Variants in RBFOX1 observed in about 807,000 individuals in gnomAD.
The protein encoded by RBFOX1 is RNA binding protein fox-1 homolog 1.
A neutral mutation model predicts 57.7 loss-of-function variants in RBFOX1; 8 were observed. The ratio of observed to expected loss-of-function variants is 0.14; its 90% CI spans 0.08 to 0.25. RBFOX1 has a LOEUF of 0.25. RBFOX1 is among the 10% of genes least tolerant of loss of function. RBFOX1 has a pLI of 1.00. For synonymous variants in RBFOX1, 326 were observed against 222.4 expected, an observed-to-expected ratio of 1.47 and a Z score of -4.15; for missense variants, 611 against 548.5, an observed-to-expected ratio of 1.11 and a Z score of -1.14.
chr16:7,023,687 C>G (rs1471298816), intron 3 of RBFOX1, among the ~76,000 whole-genome samples: 1 of 150,134 alleles, frequency 6.7e-6, no homozygotes, highest in Non-Finnish European at 1.5e-5. Flanking sequence ...TCTCCCTTGT[C>G]TTAAATCAGA....
At chr16:6,666,540 CAAAAA>C (rs35935992) in intron 3 of RBFOX1, among the ~76,000 whole-genome samples, 3 of 81,464 alleles carry the variant, frequency 3.7e-5, no homozygotes, top group Admixed American at 1.4e-4. Flanking sequence ...ACTCTGTCTC[CAAAAA>C]AAAAAAAAAA....
chr16:7,251,120 C>G (rs544799503), intron 4 of RBFOX1, among the ~76,000 whole-genome samples: 54 of 152,266 alleles, frequency 3.5e-4, no homozygotes, highest in African/African-American at 1.1e-3. Context: ...TTCCTCCTAT[C>G]TAACTGAAAT....
At chr16:7,649,478 C>A (rs1284202639) in intron 11 of RBFOX1, among the ~76,000 whole-genome samples, 2 of 152,166 alleles carry the variant, frequency 1.3e-5, no homozygotes, top group African/African-American at 2.4e-5. Flanking sequence ...TCCAGCATGT[C>A]TTGGCCTCAT....
chr16:6,945,030 C>T (rs1235075698), intron 3 of RBFOX1, among the ~76,000 whole-genome samples: 2 of 152,142 alleles, frequency 1.3e-5, no homozygotes, highest in African/African-American at 4.8e-5. Flanking sequence ...CTTATCTTAA[C>T]ATTCTGAATC....
At chr16:5,812,418 A>G (rs779599697) in intron 3 of RBFOX1, among the ~76,000 whole-genome samples, 10 of 150,110 alleles carry the variant, frequency 6.7e-5, no homozygotes, top group Admixed American at 6.6e-5. Context: ...TAAAAGTTCT[A>G]CTTCTCACAT....
chr16:6,473,457 A>C (rs2095223218), intron 2 of RBFOX1, among the ~76,000 whole-genome samples: 1 of 152,078 alleles, frequency 6.6e-6, no homozygotes, highest in Non-Finnish European at 1.5e-5. Flanking sequence ...TTTCCCACCC[A>C]ACAGTTGCAA....
intron 4 of RBFOX1, among the ~76,000 whole-genome samples, chr16:7,088,123 A>G (rs1209006219): frequency 6.6e-6 from 1 of 152,152 alleles, no homozygotes; most frequent in Non-Finnish European, 1.5e-5. Context: ...AGGAATGACA[A>G]AAAAATGTGT....
rs185134399 is a variant in RBFOX1, at chr16:6,172,993, C to T, written c.-126-144002C>T. Among the ~76,000 whole-genome samples, 3 of 152,228 alleles carry T rather than the reference C, an allele frequency of 2.0e-5. No individual in the cohort carries two copies. In the East Asian group the frequency reaches 5.8e-4, roughly 30 times the overall value. On this transcript the variant is annotated intron_variant, in intron 1 of 15. Coordinates refer to ENST00000550418, the MANE Select transcript of RBFOX1 (RefSeq NM_018723.4). ...AGCTCATGGCCCCTTTCTCCATCTT[C>T]GAAGCCAGGGATGTAGCCCTTCTCC... is the stretch of plus-strand genomic sequence containing the variant.
chr16:6,371,038 G>C (rs1367001629), intron 2 of RBFOX1, among the ~76,000 whole-genome samples: 1 of 152,110 alleles, frequency 6.6e-6, no homozygotes, highest in Non-Finnish European at 1.5e-5. Flanking sequence ...ATAATGTCCT[G>C]TTTTTCCCAG....
chr16:5,793,650 G>T (rs2054778995), intron 3 of RBFOX1, among the ~76,000 whole-genome samples: 1 of 152,182 alleles, frequency 6.6e-6, no homozygotes. Flanking sequence ...GAGGAACCCG[G>T]TACTTGCAGG....
rs7193035 is a variant in RBFOX1, at chr16:7,056,965, C to T, written c.27+4867C>T. Among the ~76,000 whole-genome samples, 510 of 150,254 alleles carry T rather than the reference C, an allele frequency of 3.4e-3. 3 individuals are homozygous for T. Among genetic ancestry groups the T allele is most frequent in the African/African-American group, 0.012 (476 of 40,668 alleles). ...GTCTCAAAGCTTTACTTTACCTATA[C>T]GTAAAATAAGAATAGCTTTCTCATA... On this transcript the variant is annotated intron_variant, in intron 4 of 15. Coordinates refer to ENST00000550418, the MANE Select transcript of RBFOX1 (RefSeq NM_018723.4).
intron 2 of RBFOX1, among the ~76,000 whole-genome samples, chr16:5,553,690 CAT>C (rs956415058): frequency 9.8e-5 from 6 of 61,198 alleles, no homozygotes; most frequent in African/African-American, 4.1e-4. Context: ...TGTATATACA[CAT>C]ATATATGTAT....
intron 4 of RBFOX1, among the ~76,000 whole-genome samples, chr16:7,164,348 C>A (rs188081229): frequency 6.6e-6 from 1 of 152,226 alleles, no homozygotes; most frequent in Non-Finnish European, 1.5e-5. Context: ...ACCACATTTT[C>A]TTGATCCACT....
At chr16:5,649,782 A>G (rs757240046) in intron 3 of RBFOX1, among the ~76,000 whole-genome samples, 9 of 152,138 alleles carry the variant, frequency 5.9e-5, no homozygotes, top group African/African-American at 9.7e-5. Flanking sequence ...TCACTCAACA[A>G]CTGCTTGTGT....
intron 3 of RBFOX1, among the ~76,000 whole-genome samples, chr16:6,680,272 CTCTT>C (rs1272293683): frequency 4.6e-5 from 5 of 109,342 alleles, no homozygotes; most frequent in Admixed American, 1.0e-4. Context: ...TTTTCTCTCT[CTCTT>C]TTTTTTTTTT....
At chr16:6,087,048 C>G (rs143555610) in intron 1 of RBFOX1, among the ~76,000 whole-genome samples, 1 of 152,232 alleles carries the variant, frequency 6.6e-6, no homozygotes, top group East Asian at 1.9e-4. Flanking sequence ...TGGAGTGAGA[C>G]GGATTGATAT....
At chr16:5,355,004 T>C (rs966446652) in intron 1 of RBFOX1, among the ~76,000 whole-genome samples, 1 of 82,076 alleles carries the variant, frequency 1.2e-5, no homozygotes, top group African/African-American at 2.8e-5. Context: ...TGTGTATGTG[T>C]ATATGAGAGA....
intron 4 of RBFOX1, among the ~76,000 whole-genome samples, chr16:7,479,115 GTT>G (rs56121631): frequency 2.8e-5 from 4 of 144,334 alleles, no homozygotes; most frequent in Non-Finnish European, 4.5e-5. Context: ...ACCCAGTTTT[GTT>G]TTTTTTTTTT....
At chr16:6,200,513 A>G (rs2097208253) in intron 1 of RBFOX1, among the ~76,000 whole-genome samples, 1 of 152,138 alleles carries the variant, frequency 6.6e-6, no homozygotes, top group Non-Finnish European at 1.5e-5. Flanking sequence ...AAAAATCACC[A>G]CTCTGTGTAA....
Sources: allele counts gnomAD v4.1 joint callset (sites outside exome capture counted in the v4.1 genomes callset), GRCh38; gene constraint gnomAD v4.1.1; transcripts MANE v1.5; gene names NCBI Gene and HGNC (gene_info 2026-07-23, HGNC 2026-07-21).